The following CD40 variants were observed in gnomAD, a reference collection of about 807,000 sequenced individuals.
CD40 encodes the protein tumor necrosis factor receptor superfamily member 5.
CD40 carries 19 observed loss-of-function variants against 38.5 expected under a neutral mutation model. The ratio of observed to expected loss-of-function variants is 0.49; its 90% CI spans 0.34 to 0.72. The LOEUF (loss-of-function observed/expected upper bound fraction) is 0.72. Ranked by LOEUF, CD40 falls within the 30% of genes least tolerant of loss-of-function variation. The pLI is 0.01. For synonymous variants in CD40, 130 were observed against 128.7 expected (o/e 1.01, Z -0.07); for missense variants, 256 against 344.1 (o/e 0.74, Z 2.03).
At chr20:46,121,510 T>C (rs1265954972) in intron 1 of CD40, among the ~76,000 whole-genome samples, 2 of 152,164 alleles carry the variant, frequency 1.3e-5, no homozygotes, top group Non-Finnish European at 2.9e-5. Context: ...CCATATCCTA[T>C]GGGATCTTTG....
In CD40 at chr20:46,129,057, G is replaced by A; in HGVS notation, c.*17G>A. ...AGACAGTGAGGCTGCACCCACCCAG[G>A]AGTGTGGCCACGTGGGCAAACAGGC... On this transcript the variant is annotated 3_prime_UTR_variant, in exon 9 of 9. Coordinates refer to ENST00000372285, the MANE Select transcript of CD40 (RefSeq NM_001250.6). 1 of 1,613,866 alleles carries A rather than the reference G, an allele frequency of 6.2e-7. No homozygotes were observed. Among genetic ancestry groups the A allele is most frequent in the Non-Finnish European group, 8.5e-7 (1 of 1,179,984 alleles).
At chr20:46,119,462 G>C (rs1244703415) in intron 1 of CD40, among the ~76,000 whole-genome samples, 1 of 152,166 alleles carries the variant, frequency 6.6e-6, no homozygotes, top group African/African-American at 2.4e-5. Flanking sequence ...GGGGAGGGCG[G>C]AGCTGGAAAG....
At chr20:46,124,561 A>G (rs1240744350) in intron 5 of CD40, among the ~76,000 whole-genome samples, 1 of 148 alleles carries the variant, frequency 6.8e-3, no homozygotes, top group Non-Finnish European at 0.013. Context: ...CACAAATAGG[A>G]GTATACATTT....
Position 46,122,108 on chromosome 20 carries a change from T to C in CD40, c.131-125T>C. Reference sequence around the variant, plus strand: ...CAGCTTCTCCATCTTCCTCGCCTGATTATGAAGGATCCAAGACTTTCATCT... The same window carrying C: ...CAGCTTCTCCATCTTCCTCGCCTGACTATGAAGGATCCAAGACTTTCATCT... On this transcript the variant is annotated intron_variant, in intron 2 of 8. Transcript: ENST00000372285. This position sits in a 1 kb window ranked among gnomAD's most constrained non-coding sequence, Gnocchi z 5.0. The C allele has an allele frequency of 7.7e-7, 1 of 1,295,160 alleles. No individual in the cohort carries two copies. The highest frequency in any genetic ancestry group is 1.1e-6 in the Non-Finnish European group (1 of 896,896). The allele number at this position is 1,295,160 out of a possible 1,614,324, so 80.2% of individuals were successfully genotyped here.
chr20:46,120,257 C>A (rs946903031), intron 1 of CD40, among the ~76,000 whole-genome samples: 6 of 152,192 alleles, frequency 3.9e-5, no homozygotes, highest in African/African-American at 1.4e-4. Context: ...TGACACTGTG[C>A]TAGGCCATAT....
intron 5 of CD40, 100 bp downstream of exon 5, chr20:46,123,319 C>T: frequency 1.1e-6 from 1 of 913,908 alleles, no homozygotes; most frequent in Non-Finnish European, 1.8e-6. Context: ...CAGAGGTCCA[C>T]ACACACTCAT....
chr20:46,129,468 G>A lies in CD40; in HGVS notation c.*428G>A, dbSNP rs1168111120. On this transcript the variant is annotated 3_prime_UTR_variant, in exon 9 of 9. Coordinates refer to ENST00000372285, the MANE Select transcript of CD40 (RefSeq NM_001250.6). ...GTGAACAACTGGAAGCTGCTTAACT[G>A]TCCATCAGCAGGAGACTGGCTAAAT... The A allele has an allele frequency of 4.9e-6, 1 of 202,574 alleles. No individual in the cohort carries two copies. Among genetic ancestry groups the A allele is most frequent in the African/African-American group, 2.3e-5 (1 of 43,348 alleles). The allele number at this position is 202,574 out of a possible 1,614,324, so 12.5% of individuals were successfully genotyped here. A position where few individuals can be genotyped will look rare whatever the true frequency, so the allele number is the denominator to read the frequency against.
chr20:46,129,320 G>A lies in CD40; in HGVS notation c.*280G>A. The A allele has an allele frequency of 2.2e-6, 1 of 456,970 alleles. No individual in the cohort carries two copies. The highest frequency in any genetic ancestry group is 4.1e-6 in the Non-Finnish European group (1 of 245,038). The allele number at this position is 456,970 out of a possible 1,614,324, so 28.3% of individuals were successfully genotyped here. Reference sequence around the variant, plus strand: ...TTTGGTGGTGGTGGTGTTGGGGTATGGTTTAGTAATATCCACCAGACCTTC... The same window carrying A: ...TTTGGTGGTGGTGGTGTTGGGGTATAGTTTAGTAATATCCACCAGACCTTC... On this transcript the variant is annotated 3_prime_UTR_variant, in exon 9 of 9. Coordinates refer to ENST00000372285, the MANE Select transcript of CD40 (RefSeq NM_001250.6).
Position 46,122,170 on chromosome 20 carries a change from T to C in CD40, c.131-63T>C. The C allele has an allele frequency of 1.3e-6, 2 of 1,595,540 alleles. No individual in the cohort carries two copies. Among genetic ancestry groups the C allele is most frequent in the Middle Eastern group, 1.7e-4 (1 of 6,022 alleles). On this transcript the variant is annotated intron_variant, in intron 2 of 8. Transcript: ENST00000372285. The surrounding 1 kb of genome is among the most constrained non-coding windows in gnomAD (Gnocchi z 5.0). ...ACCCTAAAGCCTGGCCTGATCATTG[T>C]GTGGTTAGTGTCTGACTCATGGAGT...
rs753974727 is a variant in CD40, at chr20:46,129,025, G to T, written c.819G>T (p.Val273=). 1.9e-6 allele frequency: 3 copies of T among 1,614,044 alleles called. No individual in the cohort carries two copies. In the South Asian group the frequency reaches 3.3e-5, roughly 18 times the overall value. ...QEDGKESRIS[V]QERQ ...ATGGCAAAGAGAGTCGCATCTCAGT[G>T]CAGGAGAGACAGTGAGGCTGCACCC... is the stretch of plus-strand genomic sequence containing the variant. The change falls in exon 9 of 9, where the codon GTG becomes GTT. Residue 273 remains valine (V), a synonymous_variant. Coordinates refer to ENST00000372285, the MANE Select transcript of CD40 (RefSeq NM_001250.6).
chr20:46,129,696 C>T lies in CD40; in HGVS notation c.*656C>T, dbSNP rs1363346755. On this transcript the variant is annotated 3_prime_UTR_variant, in exon 9 of 9. Coordinates refer to ENST00000372285, the MANE Select transcript of CD40 (RefSeq NM_001250.6). ...GTTCTGGAAGGGTACACAGAAAACC[C>T]ACAGCTCGAAGAGTGGTGACGTCTG... 1 of 152,472 alleles carries T rather than the reference C, an allele frequency of 6.6e-6. No homozygotes were observed. The highest frequency in any genetic ancestry group is 2.4e-5 in the African/African-American group (1 of 41,320). 9.4% of individuals were successfully genotyped at this position (152,472 alleles called of 1,614,324 possible). A position where few individuals can be genotyped will look rare whatever the true frequency, so the allele number is the denominator to read the frequency against.
chr20:46,118,666 A>G (rs1170443471), intron 1 of CD40, among the ~76,000 whole-genome samples: 1 of 151,898 alleles, frequency 6.6e-6, no homozygotes, highest in East Asian at 1.9e-4. Flanking sequence ...GGGTTTAGGG[A>G]GCCTCAGAGG....
rs117386216 is a variant in CD40 at position 46,124,361 on chromosome 20, G to A, written c.497+1142G>A. 3.3e-5 allele frequency among the ~76,000 whole-genome samples: 5 copies of A among 152,258 alleles called. No homozygotes were observed. The East Asian group carries it at 9.6e-4, about 29-fold the overall frequency. On this transcript the variant is annotated intron_variant, in intron 5 of 8. Transcript: ENST00000372285. The stretch of plus-strand genomic sequence containing the variant: ...TGATTTTTAAAAATGGGCAAGATAG[G>A]CACATGGGACAGAAGGCACAAAAGA...
At position 46,119,307 on chromosome 20, in the gene CD40, C is replaced by T. The variant is rs1009026067; in HGVS notation, c.51+913C>T. ...CCCTACTTTAGAGGGCTGTAGATTC[C>T]TGCCTGAAGCCTGGGCAGGAATGAC... On this transcript the variant is annotated intron_variant, in intron 1 of 8. Coordinates refer to ENST00000372285, the MANE Select transcript of CD40 (RefSeq NM_001250.6). Among the ~76,000 whole-genome samples the T allele has an allele frequency of 7.2e-5, 11 of 152,328 alleles. No individual in the cohort carries two copies. The South Asian group carries it at 1.0e-3, about 14-fold the overall frequency.
At chr20:46,125,443 C>T (rs757968337) in intron 5 of CD40, among the ~76,000 whole-genome samples, 7 of 143,748 alleles carry the variant, frequency 4.9e-5, no homozygotes, top group Middle Eastern at 3.8e-3. Flanking sequence ...ACTCAGGAGG[C>T]GGAGGCAGGA....
Position 46,122,298 on chromosome 20 carries a change from G to A in CD40, c.196G>A (p.Glu66Lys). Reference protein sequence around the residue: ...ETECLPCGESEFLDTWNRETH... With the variant: ...ETECLPCGESKFLDTWNRETH... ...GGAATGCCTTCCTTGCGGTGAAAGC[G>A]AATTCCTAGACACCTGGAACAGAGA... The change falls in exon 3 of 9, where the codon GAA (glutamate) becomes AAA (lysine). Residue 66 changes from glutamate (E) to lysine (K), a missense_variant. By Grantham distance (56) the Glu-to-Lys change is moderately conservative. Transcript: ENST00000372285. The surrounding 1 kb of genome is among the most constrained non-coding windows in gnomAD (Gnocchi z 5.0). 1 of 1,614,130 alleles carries A rather than the reference G, an allele frequency of 6.2e-7. No homozygotes were observed. The highest frequency in any genetic ancestry group is 1.7e-5 in the Admixed American group (1 of 60,004).
At chr20:46,123,327 C>G (rs2085356454) in intron 5 of CD40, 108 bp downstream of exon 5, 1 of 894,088 alleles carries the variant, frequency 1.1e-6, no homozygotes, top group Middle Eastern at 2.1e-4. Flanking sequence ...CACACACACT[C>G]ATGTACTTGT....
chr20:46,123,987 C>G (rs1466735185), intron 5 of CD40, among the ~76,000 whole-genome samples: 1 of 152,240 alleles, frequency 6.6e-6, no homozygotes, highest in Non-Finnish European at 1.5e-5. Context: ...TCAAACTCAT[C>G]TGCCTGGAAT....
intron 6 of CD40, among the ~76,000 whole-genome samples, chr20:46,127,819 G>A (rs940413770): frequency 1.3e-5 from 2 of 152,152 alleles, no homozygotes; most frequent in African/African-American, 2.4e-5. Context: ...GCCACCACTC[G>A]CTTCTAGATG....
Sources: allele counts gnomAD v4.1 joint callset (sites outside exome capture counted in the v4.1 genomes callset), GRCh38; gene constraint gnomAD v4.1.1; non-coding constraint Gnocchi (gnomAD v3.1); transcripts MANE v1.5; gene names NCBI Gene and HGNC (gene_info 2026-07-23, HGNC 2026-07-21).